The following JAZF1 variants were observed in gnomAD, a reference collection of about 807,000 sequenced individuals.
JAZF1 encodes the protein JAZF zinc finger 1.
JAZF1 carries 8 observed loss-of-function variants against 26.4 expected under a neutral mutation model. That is an observed-to-expected ratio of 0.30 (90% CI 0.18 to 0.55). JAZF1 has a LOEUF of 0.55. Among genes scored for constraint, JAZF1 ranks in the 20% least tolerant of loss-of-function variants. JAZF1 has a pLI of 0.94. For synonymous variants in JAZF1, 126 were observed against 122.3 expected, an observed-to-expected ratio of 1.03 and a Z score of -0.20; for missense variants, 199 against 322.0, an observed-to-expected ratio of 0.62 and a Z score of 2.92.
At chr7:28,035,024 T>C (rs1487217958) in intron 1 of JAZF1, among the ~76,000 whole-genome samples, 2 of 151,592 alleles carry the variant, frequency 1.3e-5, no homozygotes, top group East Asian at 1.9e-4. Flanking sequence ...TTTATATATA[T>C]AAAAGAAATA....
intron 2 of JAZF1, among the ~76,000 whole-genome samples, chr7:27,987,668 G>A (rs142636759): frequency 0.23 from 35,178 of 152,052 alleles, 4,456 homozygotes; most frequent in East Asian, 0.49. Context: ...CCCTCTGCCC[G>A]GCTGCCACCC....
intron 4 of JAZF1, among the ~76,000 whole-genome samples, chr7:27,835,383 C>A (rs1277470586): frequency 2.0e-5 from 3 of 152,170 alleles, no homozygotes; most frequent in Non-Finnish European, 4.4e-5. Flanking sequence ...AAGAGAAGGA[C>A]AAGCCAGGGC....
chr7:27,845,041 C>T (rs921357086), intron 3 of JAZF1, among the ~76,000 whole-genome samples: 5 of 152,230 alleles, frequency 3.3e-5, no homozygotes, highest in African/African-American at 1.2e-4. Flanking sequence ...AAATGATGTT[C>T]TTGTTCTGTG....
At chr7:28,178,703 G>A (rs1258679489) in intron 1 of JAZF1, among the ~76,000 whole-genome samples, 1 of 152,122 alleles carries the variant, frequency 6.6e-6, no homozygotes, top group East Asian at 1.9e-4. Context: ...TTTCAGTTAT[G>A]ACTATTCAAT....
chr7:27,914,775 G>C (rs1309514169), intron 2 of JAZF1: 2 of 471,018 alleles, frequency 4.2e-6, no homozygotes, highest in African/African-American at 4.0e-5. Flanking sequence ...CAGTAGATCG[G>C]TTCAGCCTTG....
chr7:27,871,334 C>T (rs1783578408), intron 3 of JAZF1, among the ~76,000 whole-genome samples: 1 of 152,180 alleles, frequency 6.6e-6, no homozygotes, highest in South Asian at 2.1e-4. Flanking sequence ...AATCTTTAGC[C>T]AACCTCCCAT....
At chr7:28,164,841 C>T (rs145673097) in intron 1 of JAZF1, among the ~76,000 whole-genome samples, 130 of 152,256 alleles carry the variant, frequency 8.5e-4, no homozygotes, top group Non-Finnish European at 1.5e-3. Flanking sequence ...TCTATGGGCT[C>T]TCAGTTTGAA....
intron 1 of JAZF1, among the ~76,000 whole-genome samples, chr7:28,039,314 T>A (rs544217987): frequency 6.6e-6 from 1 of 152,136 alleles, no homozygotes. Context: ...TCTTATGAGA[T>A]AGATGTATTT....
intron 1 of JAZF1, among the ~76,000 whole-genome samples, chr7:28,101,576 TAAAAAA>T (rs56321937): frequency 2.0e-5 from 2 of 97,998 alleles, no homozygotes; most frequent in Non-Finnish European, 3.8e-5. Context: ...ATTTCTATAT[TAAAAAA>T]AAAAAAAAAA....
At chr7:28,026,958 C>T (rs906073044) in intron 1 of JAZF1, among the ~76,000 whole-genome samples, 5 of 152,224 alleles carry the variant, frequency 3.3e-5, no homozygotes, top group Non-Finnish European at 5.9e-5. Flanking sequence ...ACCTTCCCTC[C>T]TATTCGCCAG....
At chr7:27,884,331 T>C (rs73083388) in intron 3 of JAZF1, among the ~76,000 whole-genome samples, 8,804 of 152,286 alleles carry the variant, frequency 0.058, 373 homozygotes, top group Middle Eastern at 0.088. Flanking sequence ...GGTCTCACTA[T>C]GATGACCAGG....
chr7:28,015,446 G>A (rs149951411), intron 1 of JAZF1, among the ~76,000 whole-genome samples: 194 of 152,164 alleles, frequency 1.3e-3, no homozygotes, highest in African/African-American at 4.4e-3. Context: ...GGGAAAACTC[G>A]GCATGGGAAT....
At chr7:27,846,652 T>C in intron 3 of JAZF1, 1 of 415,392 alleles carries the variant, frequency 2.4e-6, no homozygotes, top group Admixed American at 2.7e-5. Context: ...TCTGAATGGG[T>C]GTGCTCTTTT....
intron 1 of JAZF1, among the ~76,000 whole-genome samples, chr7:28,019,395 A>C (rs1418667406): frequency 6.6e-6 from 1 of 152,134 alleles, no homozygotes; most frequent in Non-Finnish European, 1.5e-5. Context: ...CCCTTCTCAT[A>C]TTCCACCTTA....
rs113808493 is a variant in JAZF1 at position 28,082,501 on chromosome 7, T to C, written c.116-90520A>G. Reference sequence around the variant, plus strand: ...CCACACGGTCTTTCCTCTCCTGTGATTTTAGTTAATATCTGTATGCTGATG... The same window carrying C: ...CCACACGGTCTTTCCTCTCCTGTGACTTTAGTTAATATCTGTATGCTGATG... On this transcript the variant is annotated intron_variant, in intron 1 of 4. Coordinates refer to ENST00000283928, the MANE Select transcript of JAZF1 (RefSeq NM_175061.4). Among the ~76,000 whole-genome samples, 798 of 152,250 alleles carry C rather than the reference T, an allele frequency of 5.2e-3. 7 individuals are homozygous for C. Among genetic ancestry groups the C allele is most frequent in the Middle Eastern group, 0.02 (6 of 294 alleles).
intron 1 of JAZF1, among the ~76,000 whole-genome samples, chr7:28,085,588 C>T (rs113959839): frequency 2.2e-3 from 336 of 152,212 alleles, no homozygotes; most frequent in Non-Finnish European, 3.9e-3. Flanking sequence ...TTTATGACCA[C>T]GTTATAAACC....
chr7:28,086,523 G>T (rs1012528681), intron 1 of JAZF1, among the ~76,000 whole-genome samples: 1 of 152,170 alleles, frequency 6.6e-6, no homozygotes, highest in Non-Finnish European at 1.5e-5. Context: ...TGTCACAGTG[G>T]TTACTCCAGA....
chr7:27,993,791 C>A (rs751220434), intron 1 of JAZF1, among the ~76,000 whole-genome samples: 2 of 152,150 alleles, frequency 1.3e-5, no homozygotes, highest in Admixed American at 6.5e-5. Flanking sequence ...AGTTTAGGTA[C>A]TGACGATCAA....
chr7:27,893,913 T>C (rs1784016476), intron 3 of JAZF1, among the ~76,000 whole-genome samples: 1 of 152,124 alleles, frequency 6.6e-6, no homozygotes, highest in African/African-American at 2.4e-5. Context: ...CACCCTGGGG[T>C]AAGCTGAGAA....
Sources: gnomAD v4.1 joint callset for allele counts (sites outside exome capture counted in the v4.1 genomes callset) on GRCh38, gnomAD v4.1.1 for gene constraint, MANE v1.5 for transcripts, NCBI Gene and HGNC (gene_info 2026-07-23, HGNC 2026-07-21) for gene names.